The following SNAP91 variants were observed in gnomAD, a reference collection of about 807,000 sequenced individuals.
SNAP91 encodes synaptosome associated protein 91.
A neutral mutation model predicts 100.3 loss-of-function variants in SNAP91; 27 were observed. That is an observed-to-expected ratio of 0.27 (90% CI 0.20 to 0.37). The LOEUF (loss-of-function observed/expected upper bound fraction) is 0.37. Ranked by LOEUF, SNAP91 falls within the 10% of genes least tolerant of loss-of-function variation. The pLI is 1.00. For missense variants in SNAP91, 986 were observed against 1,123.7 expected (o/e 0.88, Z 1.75); for synonymous variants, 404 against 398.6 (o/e 1.01, Z -0.16).
At chr6:83,664,529 G>A (rs2098637643) in intron 3 of SNAP91, among the ~76,000 whole-genome samples, 1 of 152,098 alleles carries the variant, frequency 6.6e-6, no homozygotes, top group Non-Finnish European at 1.5e-5. Flanking sequence ...AAAATAGCAA[G>A]GGAACTAGAA....
intron 9 of SNAP91, among the ~76,000 whole-genome samples, chr6:83,621,982 A>G (rs1164619612): frequency 6.6e-6 from 1 of 152,076 alleles, no homozygotes; most frequent in African/African-American, 2.4e-5. Context: ...ATGAAAACAC[A>G]CTTATTTTCT....
At chr6:83,616,655 C>G (rs545252464) in intron 10 of SNAP91, among the ~76,000 whole-genome samples, 1 of 152,192 alleles carries the variant, frequency 6.6e-6, no homozygotes, top group South Asian at 2.1e-4. Flanking sequence ...CCAATGATAA[C>G]AGCTTTGATT....
intron 2 of SNAP91, among the ~76,000 whole-genome samples, chr6:83,703,843 G>A (rs1188286400): frequency 1.3e-5 from 2 of 152,148 alleles, no homozygotes; most frequent in African/African-American, 2.4e-5. Context: ...TTGTTTTGAT[G>A]TTAACAGTAA....
chr6:83,656,276 G>T (rs1016651299), intron 7 of SNAP91, among the ~76,000 whole-genome samples: 2 of 152,102 alleles, frequency 1.3e-5, no homozygotes, highest in Non-Finnish European at 1.5e-5. Flanking sequence ...CCACAAAAAG[G>T]CTCTTTCTAA....
chr6:83,598,226 T>G (rs1486828507), intron 16 of SNAP91, among the ~76,000 whole-genome samples: 1 of 152,200 alleles, frequency 6.6e-6, no homozygotes, highest in African/African-American at 2.4e-5. Flanking sequence ...TTACTAAATT[T>G]TAAAGGCGTA....
intron 22 of SNAP91, among the ~76,000 whole-genome samples, chr6:83,586,222 T>G (rs934584464): frequency 5.3e-4 from 80 of 152,182 alleles, no homozygotes; most frequent in African/African-American, 1.8e-3. Context: ...CTCTGTAGAC[T>G]TTTACCTTTT....
chr6:83,560,792 A>G, intron 27 of SNAP91, 72 bp downstream of exon 27: 1 of 1,248,508 alleles, frequency 8.0e-7, no homozygotes, highest in South Asian at 1.3e-5. Context: ...CTGTAGGAAT[A>G]CTTAGTAATT....
At chr6:83,578,075 A>G (rs1477417929) in intron 24 of SNAP91, among the ~76,000 whole-genome samples, 1 of 152,156 alleles carries the variant, frequency 6.6e-6, no homozygotes, top group Non-Finnish European at 1.5e-5. Context: ...TTGCCAAAGA[A>G]TATTTCATTA....
intron 2 of SNAP91, among the ~76,000 whole-genome samples, chr6:83,695,847 G>C (rs1039833741): frequency 6.7e-6 from 1 of 150,268 alleles, no homozygotes; most frequent in African/African-American, 2.4e-5. Flanking sequence ...GCACAGTTAT[G>C]TCACCAAGGA....
chr6:83,561,496 T>C (rs747437541), intron 26 of SNAP91, among the ~76,000 whole-genome samples: 1 of 152,250 alleles, frequency 6.6e-6, no homozygotes, highest in Non-Finnish European at 1.5e-5. Flanking sequence ...ACAAGACTAC[T>C]GACTTGATGT....
intron 6 of SNAP91, 22 bp from the exon 7 acceptor site, chr6:83,656,887 A>G (rs2098418519): frequency 1.7e-6 from 2 of 1,168,692 alleles, no homozygotes; most frequent in African/African-American, 1.5e-5. Flanking sequence ...GAAAAATTTA[A>G]TATTAGCGGC....
In SNAP91 at chr6:83,579,054, G is replaced by T. The variant is rs574913513; in HGVS notation, c.2299+1396C>A. ...AAAAATCATTTGACTATATACGTGG[G>T]TTTATTTCTGGGATCTTTATTCTAT... On this transcript the variant is annotated intron_variant, in intron 24 of 29. Transcript: ENST00000369694. 1.0e-3 allele frequency among the ~76,000 whole-genome samples: 157 copies of T among 152,178 alleles called. 1 individual carries two copies. The highest frequency in any genetic ancestry group is 3.5e-3 in the African/African-American group (145 of 41,512).
intron 2 of SNAP91, among the ~76,000 whole-genome samples, chr6:83,677,322 C>T (rs910587361): frequency 2.0e-5 from 3 of 152,176 alleles, no homozygotes; most frequent in Non-Finnish European, 2.9e-5. Context: ...GAGGTACAGG[C>T]ATCAGCAACA....
At chr6:83,648,487 G>T (rs1369674572) in intron 7 of SNAP91, among the ~76,000 whole-genome samples, 2 of 151,556 alleles carry the variant, frequency 1.3e-5, no homozygotes, top group African/African-American at 4.8e-5. Context: ...GATCCTAGTG[G>T]GTCATAAGTT....
chr6:83,617,649 CAG>C (rs149762742), intron 9 of SNAP91, among the ~76,000 whole-genome samples: 4,302 of 151,362 alleles, frequency 0.028, 77 homozygotes, highest in East Asian at 0.056. Context: ...AATATAATAT[CAG>C]AGCACTGTGT....
At chr6:83,615,571 C>G (rs1436997598) in intron 10 of SNAP91, among the ~76,000 whole-genome samples, 2 of 152,032 alleles carry the variant, frequency 1.3e-5, no homozygotes, top group East Asian at 3.9e-4. Context: ...CTGATCATCC[C>G]CGGCCACGCT....
intron 2 of SNAP91, among the ~76,000 whole-genome samples, chr6:83,678,189 G>T (rs982631532): frequency 6.6e-6 from 1 of 151,916 alleles, no homozygotes; most frequent in Non-Finnish European, 1.5e-5. Flanking sequence ...TAAACTTCAG[G>T]AGTTTACATT....
Position 83,707,975 on chromosome 6 carries a change from A to G in SNAP91, c.-30-18T>C. The G allele has an allele frequency of 6.5e-7, 1 of 1,530,036 alleles. No individual in the cohort carries two copies. Among genetic ancestry groups the G allele is most frequent in the Non-Finnish European group, 8.7e-7 (1 of 1,149,892 alleles). The allele number at this position is 1,530,036 out of a possible 1,614,324, so 94.8% of individuals were successfully genotyped here. ...CTCCTCTTCTGCAGGAAACAAGGGG[A>G]GACGGTCCGGCTTTAATCCGCAGAC... On this transcript the variant is annotated intron_variant, in intron 1 of 29. Coordinates refer to ENST00000369694, the MANE Select transcript of SNAP91 (RefSeq NM_001242792.2).
In SNAP91 at chr6:83,605,698, G is replaced by C. The variant is rs1174397110; in HGVS notation, c.1128C>G (p.Ala376=). The C allele has an allele frequency of 3.9e-6, 6 of 1,551,920 alleles. No individual in the cohort carries two copies. Among genetic ancestry groups the C allele is most frequent in the Non-Finnish European group, 5.2e-6 (6 of 1,147,252 alleles). The stretch of plus-strand genomic sequence containing the variant: ...GGTTTTACTCACCTCCCCATGCAGT[G>C]GCTCCTCCAGCAGGTGGTGGTGGTG... The part of the protein sequence containing the change: ...APAPPPPAGG[A]TAWGDLLGED... The change falls in exon 14 of 30, where the codon GCC becomes GCG. Residue 376 remains alanine, a synonymous_variant. Transcript: ENST00000369694.
Sources: gnomAD v4.1 joint callset for allele counts (sites outside exome capture counted in the v4.1 genomes callset) on GRCh38, gnomAD v4.1.1 for gene constraint, MANE v1.5 for transcripts, NCBI Gene and HGNC (gene_info 2026-07-23, HGNC 2026-07-21) for gene names.